The following ATRN variants were observed in gnomAD, a reference collection of about 807,000 sequenced individuals.
ATRN encodes the protein attractin-2.
A neutral mutation model predicts 178.7 loss-of-function variants in ATRN; 54 were observed. The ratio of observed to expected loss-of-function variants is 0.30; its 90% CI spans 0.24 to 0.38. The LOEUF is 0.38. Ranked by LOEUF, ATRN falls within the 10% of genes least tolerant of loss-of-function variation. The pLI is 1.00. For synonymous variants in ATRN, 636 were observed against 663.0 expected (o/e 0.96, Z 0.63); for missense variants, 1,443 against 1,815.1 (o/e 0.79, Z 3.73).
chr20:3,504,428 C>G (rs1178949227), intron 1 of ATRN, among the ~76,000 whole-genome samples: 1 of 149,906 alleles, frequency 6.7e-6, no homozygotes, highest in African/African-American at 2.5e-5. Context: ...GTAATCCCAA[C>G]ACTTTAGGAG....
At chr20:3,535,392 C>A in intron 2 of ATRN, 56 bp downstream of exon 2, 2 of 925,130 alleles carry the variant, frequency 2.2e-6, no homozygotes, top group Non-Finnish European at 3.1e-6. Flanking sequence ...GTCAGTGTGA[C>A]ATTAGTTTTC....
rs764098472 is a variant in ATRN at position 3,646,867 on chromosome 20, C to T, written c.*20C>T. On this transcript the variant is annotated 3_prime_UTR_variant, in exon 29 of 29. Coordinates refer to ENST00000262919, the MANE Select transcript of ATRN (RefSeq NM_139321.3). ...ATCTGATGCTGGGGCCAGGGACTCTCCCACGCACGAGCTAGTGAGTGGCAC... is the reference window on the plus strand; with the variant it reads ...ATCTGATGCTGGGGCCAGGGACTCTTCCACGCACGAGCTAGTGAGTGGCAC... 23 of 1,612,190 alleles carry T rather than the reference C, an allele frequency of 1.4e-5. No homozygotes were observed. Among genetic ancestry groups the T allele is most frequent in the South Asian group, 8.8e-5 (8 of 90,636 alleles).
intron 2 of ATRN, among the ~76,000 whole-genome samples, chr20:3,538,622 C>G (rs976318337): frequency 2.7e-5 from 4 of 150,270 alleles, no homozygotes; most frequent in African/African-American, 1.0e-4. Flanking sequence ...ACTCTCATTC[C>G]CCCTTTTCCT....
chr20:3,586,073 A>G (rs182901), intron 18 of ATRN, among the ~76,000 whole-genome samples: 121,556 of 152,196 alleles, frequency 0.8, 48,858 homozygotes, highest in East Asian at 1. Flanking sequence ...AATTGAAAAC[A>G]TATGTTACCC....
intron 1 of ATRN, among the ~76,000 whole-genome samples, chr20:3,530,710 C>CT (rs1372207842): frequency 6.6e-6 from 1 of 151,966 alleles, no homozygotes; most frequent in Non-Finnish European, 1.5e-5. Flanking sequence ...TGGAATAGAT[C>CT]TTTTTTTAAT....
intron 26 of ATRN, among the ~76,000 whole-genome samples, chr20:3,636,457 C>T (rs1001317633): frequency 6.6e-6 from 1 of 152,096 alleles, no homozygotes; most frequent in African/African-American, 2.4e-5. Flanking sequence ...AATTTGAAAA[C>T]AAAACTCACA....
Position 3,584,637 on chromosome 20 carries a change from T to G in ATRN, c.2951-10T>G. On this transcript the variant is annotated splice_polypyrimidine_tract_variant and intron_variant, in intron 17 of 28. Coordinates refer to ENST00000262919, the MANE Select transcript of ATRN (RefSeq NM_139321.3). Reference sequence around the variant, plus strand: ...TGTGATAGTCAATTGCAACTTTTTTTTTTTAATAGCTGAAAATTGTTCAGG... The same window carrying G: ...TGTGATAGTCAATTGCAACTTTTTTGTTTTAATAGCTGAAAATTGTTCAGG... The G allele has an allele frequency of 6.3e-7, 1 of 1,596,112 alleles. No individual in the cohort carries two copies. The highest frequency in any genetic ancestry group is 2.2e-5 in the East Asian group (1 of 44,656).
chr20:3,520,977 G>A (rs1012981848), intron 1 of ATRN, among the ~76,000 whole-genome samples: 7 of 152,046 alleles, frequency 4.6e-5, no homozygotes, highest in South Asian at 2.1e-4. Flanking sequence ...GATCGAAGTC[G>A]ACTTCATGTG....
intron 10 of ATRN, among the ~76,000 whole-genome samples, 200 bp downstream of exon 10, chr20:3,563,563 A>G (rs1429242012): frequency 1.3e-5 from 2 of 152,084 alleles, no homozygotes; most frequent in Non-Finnish European, 2.9e-5. Context: ...TTTTGAAATC[A>G]CTCCTGTTAA....
At chr20:3,519,762 A>G (rs1284353027) in intron 1 of ATRN, among the ~76,000 whole-genome samples, 1 of 152,190 alleles carries the variant, frequency 6.6e-6, no homozygotes, top group Non-Finnish European at 1.5e-5. Flanking sequence ...AGAAAAAGGA[A>G]ACGGATGGAT....
intron 17 of ATRN, among the ~76,000 whole-genome samples, 186 bp downstream of exon 17, chr20:3,584,269 G>GTAT (rs2086323868): frequency 4.6e-5 from 7 of 152,060 alleles, no homozygotes; most frequent in Non-Finnish European, 1.0e-4. Flanking sequence ...TACAGAATCA[G>GTAT]GCACATTGAC....
In ATRN at chr20:3,646,705, C is replaced by T. The variant is rs771531210; in HGVS notation, c.4166-18C>T. On this transcript the variant is annotated intron_variant, in intron 28 of 28. Coordinates refer to ENST00000262919, the MANE Select transcript of ATRN (RefSeq NM_139321.3). ...GCCAGCTGCTCCCAGCATATGTTCT[C>T]TCTGTGGTTCTCCCAAGGTCTTGCT... 5.7e-5 allele frequency: 90 copies of T among 1,587,152 alleles called. No homozygotes were observed. Among genetic ancestry groups the T allele is most frequent in the Non-Finnish European group, 7.5e-5 (88 of 1,166,052 alleles).
At chr20:3,502,365 T>C (rs915880274) in intron 1 of ATRN, among the ~76,000 whole-genome samples, 1 of 152,096 alleles carries the variant, frequency 6.6e-6, no homozygotes, top group African/African-American at 2.4e-5. Context: ...CAAAGGAGAA[T>C]TCTTGAAGTT....
intron 6 of ATRN, among the ~76,000 whole-genome samples, chr20:3,554,501 A>C (rs2085838464): frequency 1.3e-5 from 2 of 151,556 alleles, no homozygotes; most frequent in African/African-American, 4.9e-5. Context: ...ACGCCCAGTT[A>C]ATTTTTTGTA....
chr20:3,573,019 A>G, intron 12 of ATRN, 68 bp downstream of exon 12: 1 of 1,349,746 alleles, frequency 7.4e-7, no homozygotes, highest in Non-Finnish European at 1.0e-6. Context: ...ATTGTGAAGG[A>G]ACTTAGCATA....
chr20:3,520,400 C>A (rs529044842), intron 1 of ATRN, among the ~76,000 whole-genome samples: 2 of 152,072 alleles, frequency 1.3e-5, no homozygotes, highest in African/African-American at 4.8e-5. Flanking sequence ...ATGCTTTCAA[C>A]AGTGAAAGGC....
rs41279370 is a variant in ATRN, at chr20:3,575,822, T to G, written c.2093-5T>G. On this transcript the variant is annotated splice_region_variant and splice_polypyrimidine_tract_variant and intron_variant, in intron 12 of 28. Transcript: ENST00000262919. ...CCAGTTCATGAGATTTTGTTTTCTT[T>G]GCAGCTCTTGACCATGACAGATGTG... 0.03 allele frequency: 47,730 copies of G among 1,602,272 alleles called. 853 individuals carry two copies. The highest frequency in any genetic ancestry group is 0.034 in the Non-Finnish European group (40,049 of 1,174,842).
At chr20:3,560,581 A>T in intron 7 of ATRN, 81 bp from the exon 8 acceptor site, 1 of 1,218,302 alleles carries the variant, frequency 8.2e-7, no homozygotes, top group South Asian at 1.5e-5. Context: ...GCTGAGAATA[A>T]TATTGAGCTT....
chr20:3,640,362 A>G (rs2087058719), intron 27 of ATRN, among the ~76,000 whole-genome samples: 1 of 152,238 alleles, frequency 6.6e-6, no homozygotes, highest in African/African-American at 2.4e-5. Context: ...TACTAAGAAT[A>G]TGGAGGATAG....
Sources: allele counts gnomAD v4.1 joint callset (sites outside exome capture counted in the v4.1 genomes callset), GRCh38; gene constraint gnomAD v4.1.1; transcripts MANE v1.5; gene names NCBI Gene and HGNC (gene_info 2026-07-23, HGNC 2026-07-21).